Variants in PCDHGA6 observed in about 807,000 individuals in gnomAD.
PCDHGA6 encodes protocadherin gamma-A6.
PCDHGA6 carries 41 observed loss-of-function variants against 60.6 expected under a neutral mutation model. The ratio of observed to expected loss-of-function variants is 0.68; its 90% confidence interval spans 0.53 to 0.88. The LOEUF is 0.88. PCDHGA6 is among the 40% of genes least tolerant of loss of function. The pLI is 0.00. For synonymous variants in PCDHGA6, 594 were observed against 524.4 expected (o/e 1.13, Z -1.81); for missense variants, 1,312 against 1,203.0 (o/e 1.09, Z -1.34).
At position 141,431,031 on chromosome 5, in the gene PCDHGA6, A is replaced by C; in HGVS notation, c.2424+54524A>C. Reference sequence around the variant, plus strand: ...AGCTTGGTCACGGCGGGCAGGATAGACCGGGAGGAGCTCTGTATGGGGGCC... The same window carrying C: ...AGCTTGGTCACGGCGGGCAGGATAGCCCGGGAGGAGCTCTGTATGGGGGCC... On this transcript the variant is annotated intron_variant, in intron 1 of 3. Coordinates refer to ENST00000517434, the MANE Select transcript of PCDHGA6 (RefSeq NM_018919.3). This position sits in a 1 kb window ranked among gnomAD's most constrained non-coding sequence, Gnocchi z 4.8. 1 of 1,614,036 alleles carries C rather than the reference A, an allele frequency of 6.2e-7. No homozygotes were observed. The highest frequency in any genetic ancestry group is 8.5e-7 in the Non-Finnish European group (1 of 1,180,000).
chr5:141,428,492 A>C (rs2097142759), intron 1 of PCDHGA6: 1 of 307,660 alleles, frequency 3.3e-6, no homozygotes. Flanking sequence ...TGCAATCTGT[A>C]TGTTCCCTCG....
At chr5:141,389,349 A>G in intron 1 of PCDHGA6, 1 of 1,613,980 alleles carries the variant, frequency 6.2e-7, no homozygotes, top group South Asian at 1.1e-5. Context: ...CTCTTACTGC[A>G]TCATGGCCAG....
chr5:141,419,192 G>A (rs772847766), intron 1 of PCDHGA6: 65 of 1,613,816 alleles, frequency 4.0e-5, no homozygotes, highest in Middle Eastern at 1.6e-4. Context: ...CATTACTGAC[G>A]TCAATGACAA....
intron 1 of PCDHGA6, chr5:141,409,297 T>G (rs762820320): frequency 1.9e-6 from 3 of 1,614,006 alleles, no homozygotes; most frequent in South Asian, 2.2e-5. Context: ...CAGGAATGGT[T>G]GTTGCCCTCT....
rs756971733 is a variant in PCDHGA6 at position 141,375,686 on chromosome 5, A to G, written c.1603A>G (p.Ser535Gly). The change falls in exon 1 of 4, where the codon AGC becomes GGC. Residue 535 changes from serine (S) to glycine (G), a missense_variant. Physicochemically the swap from Ser to Gly is moderately conservative, Grantham distance 56. Coordinates refer to ENST00000517434, the MANE Select transcript of PCDHGA6 (RefSeq NM_018919.3). Reference sequence around the variant, plus strand: ...AGACCTACAGCTGTGGGTGACAGCCAGCGACAGCGGGGACCCGCCTCTTAG... The same window carrying G: ...AGACCTACAGCTGTGGGTGACAGCCGGCGACAGCGGGGACCCGCCTCTTAG... ...LRDLQLWVTA[S>G]DSGDPPLSSN... 1.9e-6 allele frequency: 3 copies of G among 1,614,122 alleles called. No individual in the cohort carries two copies. Among genetic ancestry groups the G allele is most frequent in the East Asian group, 2.2e-5 (1 of 44,894 alleles).
chr5:141,449,425 G>T (rs1206395356), intron 1 of PCDHGA6, among the ~76,000 whole-genome samples: 2 of 151,688 alleles, frequency 1.3e-5, no homozygotes, highest in Non-Finnish European at 2.9e-5. Context: ...TGGCCAACAT[G>T]ATAAAACTCC....
chr5:141,426,307 A>G (rs958090236), intron 1 of PCDHGA6: 2 of 172,782 alleles, frequency 1.2e-5, no homozygotes, highest in African/African-American at 4.7e-5. Context: ...GGTGAAGCAG[A>G]GAAGCAGGAC....
At chr5:141,388,424 G>A (rs77505166) in intron 1 of PCDHGA6, 76,970 of 1,613,794 alleles carry the variant, frequency 0.048, 2,026 homozygotes, top group South Asian at 0.077. Context: ...ATTTCTCACT[G>A]ATAAATAAAG....
chr5:141,505,371 C>T (rs2099845827), intron 2 of PCDHGA6, 22 bp from the exon 3 acceptor site: 4 of 1,613,980 alleles, frequency 2.5e-6, no homozygotes, highest in Non-Finnish European at 3.4e-6. Context: ...AGTCTGTGCT[C>T]ACCATCCTAC....
At chr5:141,507,178 G>A (rs548016031) in intron 3 of PCDHGA6, 4 of 152,350 alleles carry the variant, frequency 2.6e-5, no homozygotes, top group East Asian at 3.9e-4. Flanking sequence ...CCTCTTCCTC[G>A]AGCTCTGCTT....
At chr5:141,414,274 G>A (rs762803658) in intron 1 of PCDHGA6, 23 of 1,613,368 alleles carry the variant, frequency 1.4e-5, no homozygotes, top group Non-Finnish European at 1.9e-5. Flanking sequence ...TTCACCTCTG[G>A]GAACAGTCGT....
intron 1 of PCDHGA6, chr5:141,399,935 A>G (rs2093920920): frequency 1.9e-6 from 3 of 1,612,300 alleles, no homozygotes; most frequent in Non-Finnish European, 2.5e-6. Context: ...CTGTCCTACC[A>G]CGTGCTGCAG....
In PCDHGA6 at chr5:141,432,361, G is replaced by A; in HGVS notation, c.2424+55854G>A. 1 of 1,614,230 alleles carries A rather than the reference G, an allele frequency of 6.2e-7. No individual in the cohort carries two copies. Among genetic ancestry groups the A allele is most frequent in the Non-Finnish European group, 8.5e-7 (1 of 1,180,050 alleles). On this transcript the variant is annotated intron_variant, in intron 1 of 3. Coordinates refer to ENST00000517434, the MANE Select transcript of PCDHGA6 (RefSeq NM_018919.3). The surrounding 1 kb of genome is among the most constrained non-coding windows in gnomAD (Gnocchi z 6.0). Reference sequence around the variant, plus strand: ...GAGACTTGCAAGTGAAAGTGATGGCGCGGGACAACGGGCACCCGCCCCTCA... The same window carrying A: ...GAGACTTGCAAGTGAAAGTGATGGCACGGGACAACGGGCACCCGCCCCTCA...
At chr5:141,488,660 G>A (rs1274725688) in intron 1 of PCDHGA6, among the ~76,000 whole-genome samples, 1 of 152,148 alleles carries the variant, frequency 6.6e-6, no homozygotes, top group East Asian at 1.9e-4. Flanking sequence ...GGGAGGGTGG[G>A]GGAATACATG....
chr5:141,408,203 A>G (rs1299661641), intron 1 of PCDHGA6: 2 of 1,550,806 alleles, frequency 1.3e-6, no homozygotes, highest in African/African-American at 1.4e-5. Flanking sequence ...CGAGCGAACG[A>G]TGGGAGGGAG....
At position 141,491,099 on chromosome 5, in the gene PCDHGA6, T is replaced by C. The variant is rs1352561414; in HGVS notation, c.2425-3708T>C. 1 of 1,614,176 alleles carries C rather than the reference T, an allele frequency of 6.2e-7. No homozygotes were observed. ...CAGTCCACAGCCCCAGGACTGTTCC[T>C]CGTGTCTACACACACTGGTGAGGTG... On this transcript the variant is annotated intron_variant, in intron 1 of 3. Coordinates refer to ENST00000517434, the MANE Select transcript of PCDHGA6 (RefSeq NM_018919.3). The surrounding 1 kb of genome is among the most constrained non-coding windows in gnomAD (Gnocchi z 6.9).
intron 1 of PCDHGA6, chr5:141,389,801 C>T: frequency 6.2e-7 from 1 of 1,613,766 alleles, no homozygotes; most frequent in South Asian, 1.1e-5. Context: ...TCCGCCAGCG[C>T]CTTCTGGTCG....
chr5:141,475,013 G>T (rs950376592), intron 1 of PCDHGA6, among the ~76,000 whole-genome samples: 1 of 152,176 alleles, frequency 6.6e-6, no homozygotes, highest in African/African-American at 2.4e-5. Context: ...AAAAGTTAAG[G>T]CTCTTTATTC....
At chr5:141,453,046 T>C (rs1561950003) in intron 1 of PCDHGA6, among the ~76,000 whole-genome samples, 1 of 152,186 alleles carries the variant, frequency 6.6e-6, no homozygotes, top group Non-Finnish European at 1.5e-5. Context: ...GTTTCTATTA[T>C]GTGCAGTTTT....
Sources: gnomAD v4.1 joint callset for allele counts (sites outside exome capture counted in the v4.1 genomes callset) on GRCh38, gnomAD v4.1.1 for gene constraint, Gnocchi (gnomAD v3.1) non-coding constraint, MANE v1.5 for transcripts, NCBI Gene and HGNC (gene_info 2026-07-23, HGNC 2026-07-21) for gene names.